The following EDIL3 variants were observed in gnomAD, a reference collection of about 807,000 sequenced individuals.
EDIL3 encodes EGF like and discoidin domains 3.
Under a neutral mutation model 67.4 loss-of-function variants are expected in EDIL3, and 37 were observed. The observed-to-expected ratio is 0.55, with a 90% confidence interval of 0.42 to 0.72. The LOEUF (loss-of-function observed/expected upper bound fraction) is 0.72. Ranked by LOEUF, EDIL3 falls within the 30% of genes least tolerant of loss-of-function variation. EDIL3 has a pLI of 0.00. For synonymous variants in EDIL3, 195 were observed against 196.3 expected (o/e 0.99, Z 0.05); for missense variants, 527 against 586.3 (o/e 0.90, Z 1.04).
intron 6 of EDIL3, among the ~76,000 whole-genome samples, chr5:84,075,597 T>C (rs1746838768): frequency 6.6e-6 from 1 of 152,066 alleles, no homozygotes; most frequent in Admixed American, 6.6e-5. Context: ...TGCCTTAGCC[T>C]CTCGAATAGC....
At chr5:84,321,393 C>T (rs1168645809) in intron 1 of EDIL3, among the ~76,000 whole-genome samples, 1 of 152,086 alleles carries the variant, frequency 6.6e-6, no homozygotes, top group East Asian at 1.9e-4. Flanking sequence ...AGATGCAGAG[C>T]AGCATTCTGG....
At chr5:84,050,833 A>G (rs1746321938) in intron 9 of EDIL3, among the ~76,000 whole-genome samples, 1 of 152,322 alleles carries the variant, frequency 6.6e-6, no homozygotes, top group South Asian at 2.1e-4. Context: ...AACTGGGTGA[A>G]GCCCACCGCA....
chr5:84,034,170 C>G (rs577053064), intron 9 of EDIL3, among the ~76,000 whole-genome samples: 79 of 152,262 alleles, frequency 5.2e-4, no homozygotes, highest in African/African-American at 1.9e-3. Flanking sequence ...ATCAATTTTA[C>G]TAAAATTAGA....
At chr5:84,115,163 T>C (rs1297154961) in intron 5 of EDIL3, among the ~76,000 whole-genome samples, 2 of 148,418 alleles carry the variant, frequency 1.3e-5, no homozygotes, top group Non-Finnish European at 3.0e-5. Flanking sequence ...AAATCGGAAA[T>C]GCTTTCTTCA....
chr5:84,002,137 A>G (rs934228894), intron 9 of EDIL3, among the ~76,000 whole-genome samples: 10 of 152,188 alleles, frequency 6.6e-5, no homozygotes, highest in African/African-American at 2.4e-4. Context: ...TACACAAATC[A>G]AACAATGTGA....
At chr5:84,041,655 TA>T (rs1222927793) in intron 9 of EDIL3, among the ~76,000 whole-genome samples, 3 of 126,422 alleles carry the variant, frequency 2.4e-5, no homozygotes, top group African/African-American at 7.8e-5. Context: ...CATATATACT[TA>T]TATGTATATA....
intron 6 of EDIL3, among the ~76,000 whole-genome samples, chr5:84,071,827 G>T (rs562807523): frequency 6.6e-6 from 1 of 152,106 alleles, no homozygotes; most frequent in South Asian, 2.1e-4. Flanking sequence ...ATTATCGACT[G>T]AAAATATAAT....
intron 9 of EDIL3, among the ~76,000 whole-genome samples, chr5:84,048,842 T>C: frequency 6.6e-6 from 1 of 152,136 alleles, no homozygotes; most frequent in East Asian, 1.9e-4. Context: ...GCAGTTTGTT[T>C]AGTTCCGTGA....
At chr5:84,313,907 C>A (rs558913731) in intron 1 of EDIL3, among the ~76,000 whole-genome samples, 1 of 152,142 alleles carries the variant, frequency 6.6e-6, no homozygotes, top group East Asian at 1.9e-4. Context: ...GAAAGAAATG[C>A]AAAACCAGCC....
At chr5:84,065,249 C>T (rs948246821) in intron 7 of EDIL3, among the ~76,000 whole-genome samples, 50 of 152,058 alleles carry the variant, frequency 3.3e-4, no homozygotes, top group Admixed American at 3.2e-3. Context: ...CTACTGCTTC[C>T]GGATCATCCA....
At chr5:84,015,560 A>C (rs1377613646) in intron 9 of EDIL3, among the ~76,000 whole-genome samples, 2 of 152,212 alleles carry the variant, frequency 1.3e-5, no homozygotes, top group Non-Finnish European at 2.9e-5. Context: ...ATATTTCCTC[A>C]ACAAAACTCT....
At chr5:84,107,132 A>C (rs1747480033) in intron 5 of EDIL3, among the ~76,000 whole-genome samples, 1 of 152,104 alleles carries the variant, frequency 6.6e-6, no homozygotes, top group Non-Finnish European at 1.5e-5. Flanking sequence ...ACAAAAGCAT[A>C]ATGCTCTTAA....
intron 1 of EDIL3, among the ~76,000 whole-genome samples, chr5:84,329,009 C>G (rs546352073): frequency 6.6e-6 from 1 of 152,120 alleles, no homozygotes; most frequent in East Asian, 1.9e-4. Context: ...TCTCCCACCA[C>G]TTAAACTTCA....
At chr5:84,309,154 A>G (rs973443525) in intron 1 of EDIL3, among the ~76,000 whole-genome samples, 3 of 152,158 alleles carry the variant, frequency 2.0e-5, no homozygotes, top group African/African-American at 7.2e-5. Flanking sequence ...GAAGATTAGT[A>G]TCTCATGACA....
intron 1 of EDIL3, among the ~76,000 whole-genome samples, chr5:84,256,110 TATC>T (rs1183891731): frequency 8.2e-6 from 1 of 122,690 alleles, no homozygotes; most frequent in African/African-American, 3.1e-5. Context: ...TTTATATACT[TATC>T]ATCTAACTAT....
At chr5:84,148,524 T>C (rs940538040) in intron 4 of EDIL3, among the ~76,000 whole-genome samples, 3 of 152,168 alleles carry the variant, frequency 2.0e-5, no homozygotes, top group South Asian at 2.1e-4. Context: ...ATCACTGACA[T>C]CTGTAGCTTA....
intron 10 of EDIL3, among the ~76,000 whole-genome samples, chr5:83,958,509 T>C (rs76723150): frequency 0.033 from 5,063 of 151,608 alleles, 216 homozygotes; most frequent in East Asian, 0.096. Flanking sequence ...CTTTTCAACT[T>C]ATGCTTTTAC....
chr5:84,332,252 G>A (rs1037638679), intron 1 of EDIL3, among the ~76,000 whole-genome samples: 2 of 152,090 alleles, frequency 1.3e-5, no homozygotes, highest in Non-Finnish European at 2.9e-5. Flanking sequence ...CATGCTTGTA[G>A]TCACATCTAT....
intron 9 of EDIL3, among the ~76,000 whole-genome samples, chr5:84,052,173 G>T (rs201599155): frequency 6.6e-6 from 1 of 152,160 alleles, no homozygotes; most frequent in Non-Finnish European, 1.5e-5. Context: ...TTAAAGAAAA[G>T]AATTTTCAAC....
Sources: gnomAD v4.1 joint callset for allele counts (sites outside exome capture counted in the v4.1 genomes callset) on GRCh38, gnomAD v4.1.1 for gene constraint, MANE v1.5 for transcripts, NCBI Gene and HGNC (gene_info 2026-07-23, HGNC 2026-07-21) for gene names.